Variants in EXOC2 observed in about 807,000 individuals in gnomAD.
The protein encoded by EXOC2 is SEC5-like 1.
EXOC2 carries 70 observed loss-of-function variants against 131.8 expected under a neutral mutation model. That is an observed-to-expected ratio of 0.53 (90% CI 0.44 to 0.65). The LOEUF is 0.65. Ranked by LOEUF, EXOC2 falls within the 30% of genes least tolerant of loss-of-function variation. The pLI is 0.00. For synonymous variants in EXOC2, 411 were observed against 398.4 expected (o/e 1.03, Z -0.38); for missense variants, 923 against 1,108.6 (o/e 0.83, Z 2.38).
chr6:688,817 CATT>C (rs1358044421), intron 1 of EXOC2, among the ~76,000 whole-genome samples: 1 of 152,194 alleles, frequency 6.6e-6, no homozygotes, highest in Non-Finnish European at 1.5e-5. Context: ...AGACATACAT[CATT>C]ATCATTCACA....
Position 564,698 on chromosome 6 carries a change from A to G in EXOC2, c.1514T>C (p.Met505Thr). 6.3e-7 allele frequency: 1 copy of G among 1,586,922 alleles called. No homozygotes were observed. The highest frequency in any genetic ancestry group is 1.1e-5 in the South Asian group (1 of 87,498). The change falls in exon 15 of 28, where the codon ATG (methionine) becomes ACG (threonine). Residue 505 changes from methionine (M) to threonine (T), a missense_variant. Coordinates refer to ENST00000230449, the MANE Select transcript of EXOC2 (RefSeq NM_018303.6). ...VRQRQNDFKK[M>T]IQEVMHSLVK... ...CAGGGAGTGCATTACTTCCTGAATC[A>G]TTTTCTAGAAAACCAGGAACAAGCA...
chr6:546,534 G>C (rs1474247444), intron 22 of EXOC2, among the ~76,000 whole-genome samples: 1 of 152,056 alleles, frequency 6.6e-6, no homozygotes, highest in Non-Finnish European at 1.5e-5. Context: ...AACTATGTGG[G>C]TCCACTTATA....
chr6:645,703 T>C (rs1762549706), intron 1 of EXOC2, among the ~76,000 whole-genome samples: 1 of 152,248 alleles, frequency 6.6e-6, no homozygotes, highest in African/African-American at 2.4e-5. Context: ...TATGTGTGTG[T>C]GCAAGTGTGT....
Position 491,163 on chromosome 6 carries a change from C to T in EXOC2, c.2583G>A (p.Leu861=). The T allele has an allele frequency of 6.2e-7, 1 of 1,614,134 alleles. No individual in the cohort carries two copies. Among genetic ancestry groups the T allele is most frequent in the South Asian group, 1.1e-5 (1 of 91,060 alleles). ...ALQARLEICA[L]RDTVAVYLTP... is the part of the protein sequence containing the mutation. ...TCAGGTAAACAGCCACAGTGTCCCT[C>T]AAAGCACAGATTTCAAGTCTCGCCT... Residue 861 remains leucine (L), a synonymous_variant, in exon 26 of 28, where the codon TTG becomes TTA. Transcript: ENST00000230449.
chr6:507,328 A>AC (rs1271056971), intron 23 of EXOC2, among the ~76,000 whole-genome samples: 10 of 38,792 alleles, frequency 2.6e-4, no homozygotes, highest in Admixed American at 1.1e-3. Flanking sequence ...CAAAGAAGTG[A>AC]CCCCCCCCAC....
At chr6:650,763 C>T (rs1375353374) in intron 1 of EXOC2, among the ~76,000 whole-genome samples, 2 of 151,978 alleles carry the variant, frequency 1.3e-5, no homozygotes, top group East Asian at 1.9e-4. Flanking sequence ...CTAAAACAAA[C>T]TATTAGATTT....
intron 22 of EXOC2, 99 bp from the exon 23 acceptor site, chr6:532,709 C>T (rs76954521): frequency 0.028 from 32,727 of 1,168,690 alleles, 502 homozygotes; most frequent in Middle Eastern, 0.052. Flanking sequence ...AATAAAAGCA[C>T]TTCTCAATTT....
intron 7 of EXOC2, among the ~76,000 whole-genome samples, chr6:605,667 G>A (rs375825614): frequency 1.3e-5 from 2 of 152,166 alleles, no homozygotes; most frequent in East Asian, 3.8e-4. Context: ...TGGATTCACT[G>A]ATTTTTTGAA....
chr6:507,546 A>G (rs1764635057), intron 23 of EXOC2, among the ~76,000 whole-genome samples: 1 of 152,196 alleles, frequency 6.6e-6, no homozygotes, highest in African/African-American at 2.4e-5. Flanking sequence ...AGCAAAGCTT[A>G]CATGAGAAAG....
chr6:596,968 G>C (rs1759852331), intron 10 of EXOC2, among the ~76,000 whole-genome samples: 1 of 152,092 alleles, frequency 6.6e-6, no homozygotes, highest in Admixed American at 6.6e-5. Flanking sequence ...TGCCGGGTGA[G>C]GTATTAAACC....
At position 549,165 on chromosome 6, in the gene EXOC2, A is replaced by C. The variant is rs1251737770; in HGVS notation, c.2238+10T>G. The C allele has an allele frequency of 8.1e-6, 13 of 1,607,236 alleles. No homozygotes were observed. In the African/African-American group the frequency reaches 1.5e-4, roughly 18 times the overall value. On this transcript the variant is annotated intron_variant, in intron 22 of 27. Coordinates refer to ENST00000230449, the MANE Select transcript of EXOC2 (RefSeq NM_018303.6). ...CCACCGACTTGTGCGTTTTACATGA[A>C]CTCGCTTACCTGTGTGATTTTTTCT...
Position 677,454 on chromosome 6 carries a change from C to T in EXOC2, c.-44+15565G>A, listed in dbSNP as rs542135038. ...AGAAACAATACCAATTACATTAGGACACAACTAGCCATCAATCAACAGATA... is the reference window on the plus strand; with the variant it reads ...AGAAACAATACCAATTACATTAGGATACAACTAGCCATCAATCAACAGATA... On this transcript the variant is annotated intron_variant, in intron 1 of 27. Transcript: ENST00000230449. Among the ~76,000 whole-genome samples the T allele has an allele frequency of 5.3e-5, 8 of 152,268 alleles. No homozygotes were observed. The South Asian group carries it at 1.7e-3, about 32-fold the overall frequency.
chr6:547,489 C>T (rs1456328424), intron 22 of EXOC2, among the ~76,000 whole-genome samples: 1 of 152,182 alleles, frequency 6.6e-6, no homozygotes, highest in Non-Finnish European at 1.5e-5. Context: ...GTGACCTGTG[C>T]CCTGTGACTC....
At chr6:566,355 T>C (rs1054138937) in intron 13 of EXOC2, among the ~76,000 whole-genome samples, 3 of 152,178 alleles carry the variant, frequency 2.0e-5, no homozygotes, top group Admixed American at 6.5e-5. Flanking sequence ...CAGCAGGATG[T>C]TGCAGTGGCC....
chr6:499,599 T>C (rs1332306115), intron 24 of EXOC2, 46 bp downstream of exon 24: 2 of 1,511,018 alleles, frequency 1.3e-6, no homozygotes, highest in Non-Finnish European at 1.8e-6. Flanking sequence ...CTTTTTTCTT[T>C]TTTTTGGTTA....
At chr6:571,915 C>G (rs1158368792) in intron 13 of EXOC2, among the ~76,000 whole-genome samples, 1 of 152,222 alleles carries the variant, frequency 6.6e-6, no homozygotes, top group Non-Finnish European at 1.5e-5. Context: ...ATGTGCCACA[C>G]ATAACAGAGT....
chr6:627,716 G>T (rs942844345), intron 4 of EXOC2, among the ~76,000 whole-genome samples: 3 of 151,678 alleles, frequency 2.0e-5, no homozygotes, highest in Non-Finnish European at 4.4e-5. Flanking sequence ...ACATCTTATT[G>T]GTTCTTTCCT....
chr6:567,302 G>A (rs552267973), intron 13 of EXOC2, among the ~76,000 whole-genome samples: 8 of 152,272 alleles, frequency 5.3e-5, no homozygotes, highest in Admixed American at 6.5e-5. Context: ...TCGCTGCCTG[G>A]GGCCTGCTTC....
intron 10 of EXOC2, among the ~76,000 whole-genome samples, chr6:596,125 C>T (rs1468027542): frequency 6.6e-6 from 1 of 151,932 alleles, no homozygotes; most frequent in African/African-American, 2.4e-5. Flanking sequence ...TAGAACACAT[C>T]CCGCACAGCG....
Sources: allele counts gnomAD v4.1 joint callset (sites outside exome capture counted in the v4.1 genomes callset), GRCh38; gene constraint gnomAD v4.1.1; transcripts MANE v1.5; gene names NCBI Gene and HGNC (gene_info 2026-07-23, HGNC 2026-07-21).